TRMU: variants seen among roughly 807,000 people sequenced by gnomAD.
TRMU encodes the protein mitochondrial tRNA-specific 2-thiouridylase 1.
Under a neutral mutation model 46.9 loss-of-function variants are expected in TRMU, and 49 were observed. The ratio of observed to expected loss-of-function variants is 1.05; its 90% CI spans 0.83 to 1.33. The LOEUF is 1.33. Among genes scored for constraint, TRMU ranks in the 40% most tolerant of loss-of-function variants. The pLI is 0.00. For synonymous variants in TRMU, 241 were observed against 200.9 expected, an observed-to-expected ratio of 1.20 and a Z score of -1.69; for missense variants, 572 against 532.4, an observed-to-expected ratio of 1.07 and a Z score of -0.73.
chr22:46,352,459 G>A (rs1427509171), intron 7 of TRMU, 129 bp downstream of exon 7: 11 of 1,118,118 alleles, frequency 9.8e-6, no homozygotes, highest in Non-Finnish European at 1.2e-5. Flanking sequence ...GCTCTGTGGG[G>A]CGGCCGGGGG....
Position 46,352,320 on chromosome 22 carries a change from AAC to A in TRMU, c.766_767del (p.His256Ter), listed in dbSNP as rs779454362. The part of the protein sequence containing the change: ...ISIEDNKVLG[T>X]HKGWFLYTLG... ...CCATAGAAGACAATAAGGTTCTGGG[AAC>A]ACATAAAGGTGAGGTGCAGACTCTG... On this transcript the variant is annotated frameshift_variant, in exon 7 of 11. Coordinates refer to ENST00000645190, the MANE Select transcript of TRMU (RefSeq NM_018006.5). LOFTEE classifies it high-confidence loss of function. 1 of 1,614,002 alleles carries A rather than the reference AAC, an allele frequency of 6.2e-7. No homozygotes were observed. Among genetic ancestry groups the A allele is most frequent in the East Asian group, 2.2e-5 (1 of 44,880 alleles).
In TRMU at chr22:46,345,087, T is replaced by C. The variant is rs140538306; in HGVS notation, c.356-1335T>C. On this transcript the variant is annotated intron_variant, in intron 3 of 10. Coordinates refer to ENST00000645190, the MANE Select transcript of TRMU (RefSeq NM_018006.5). ...TAAATATCTGTAATTTTTTCTTTTT[T>C]TGAGATGGAGTCTCACTCTGTCTCC... 9.2e-5 allele frequency among the ~76,000 whole-genome samples: 14 copies of C among 152,314 alleles called. No individual in the cohort carries two copies. In the East Asian group the frequency reaches 2.3e-3, roughly 25 times the overall value.
chr22:46,340,144 G>A (rs980254776), intron 2 of TRMU, among the ~76,000 whole-genome samples: 2 of 152,172 alleles, frequency 1.3e-5, no homozygotes, highest in African/African-American at 4.8e-5. Context: ...GACCTGGACC[G>A]AGGTCTGGGG....
intron 8 of TRMU, 48 bp from the exon 9 acceptor site, chr22:46,355,395 TG>T (rs2078568039): frequency 3.1e-6 from 5 of 1,604,112 alleles, no homozygotes; most frequent in East Asian, 2.3e-5. Flanking sequence ...AGGCCGGCCT[TG>T]GGGCCAGGTG....
In TRMU at chr22:46,338,200, G is replaced by T; in HGVS notation, c.248+256G>T. 2.1e-6 allele frequency: 1 copy of T among 474,408 alleles called. No homozygotes were observed. The highest frequency in any genetic ancestry group is 3.9e-6 in the Non-Finnish European group (1 of 257,354). The allele number at this position is 474,408 out of a possible 1,614,324, so 29.4% of individuals were successfully genotyped here. The stretch of plus-strand genomic sequence containing the variant: ...CTGAAGTCTCTTTAATGCTTTCTTG[G>T]ACCTTGAGCTGTTTCTGTTGCCCAG... On this transcript the variant is annotated intron_variant, in intron 2 of 10. Coordinates refer to ENST00000645190, the MANE Select transcript of TRMU (RefSeq NM_018006.5). This position sits in a 1 kb window ranked among gnomAD's most constrained non-coding sequence, Gnocchi z 4.5.
In TRMU at chr22:46,336,282, A is replaced by G. The variant is rs1248999032; in HGVS notation, c.82+436A>G. ...CCGGTGGGAGGTCCTTGTCCTCCCC[A>G]CTCAGCAGACTGGACAACTGCCGCG... On this transcript the variant is annotated intron_variant, in intron 1 of 10. Coordinates refer to ENST00000645190, the MANE Select transcript of TRMU (RefSeq NM_018006.5). This position sits in a 1 kb window ranked among gnomAD's most constrained non-coding sequence, Gnocchi z 4.1. 3 of 333,296 alleles carry G rather than the reference A, an allele frequency of 9.0e-6. No individual in the cohort carries two copies. Among genetic ancestry groups the G allele is most frequent in the Non-Finnish European group, 1.3e-5 (3 of 227,262 alleles). The allele number at this position is 333,296 out of a possible 1,614,324, so 20.6% of individuals were successfully genotyped here.
chr22:46,344,800 T>C (rs2078209754), intron 3 of TRMU, among the ~76,000 whole-genome samples: 1 of 152,246 alleles, frequency 6.6e-6, no homozygotes. Context: ...TTTTCTAGTA[T>C]AAGTGCTGTT....
rs2077994061 is a variant in TRMU at position 46,336,924 on chromosome 22, G to A, written c.83-855G>A. Among the ~76,000 whole-genome samples the A allele has an allele frequency of 6.6e-6, 1 of 152,102 alleles. No homozygotes were observed. The highest frequency in any genetic ancestry group is 2.1e-4 in the South Asian group (1 of 4,824). ...CAGCAGTGCAAGCAGAATCACAGAG[G>A]CCTGCAAGTGTGGGCTGGTTCTGGC... On this transcript the variant is annotated intron_variant, in intron 1 of 10. Transcript: ENST00000645190. The surrounding 1 kb of genome is among the most constrained non-coding windows in gnomAD (Gnocchi z 4.1).
intron 10 of TRMU, chr22:46,356,313 A>G (rs1326122726): frequency 1.8e-6 from 1 of 556,132 alleles, no homozygotes. Context: ...TGAGAGGCTC[A>G]GCTGCTGCCC....
At chr22:46,343,440 C>A in intron 3 of TRMU, 72 bp downstream of exon 3, 2 of 1,162,250 alleles carry the variant, frequency 1.7e-6, no homozygotes, top group East Asian at 2.5e-5. Flanking sequence ...GGCTGGATTG[C>A]AGTGGTGCGA....
intron 1 of TRMU, 64 bp downstream of exon 1, chr22:46,335,910 C>A: frequency 6.6e-7 from 1 of 1,524,454 alleles, no homozygotes; most frequent in Non-Finnish European, 8.8e-7. Context: ...TGTCCCCGTC[C>A]GTCGTGGCGT....
intron 5 of TRMU, 95 bp from the exon 6 acceptor site, chr22:46,352,026 G>A (rs1429022723): frequency 1.6e-5 from 23 of 1,408,366 alleles, no homozygotes; most frequent in Non-Finnish European, 2.2e-5. Flanking sequence ...TGTGGGGTGA[G>A]GCCGGGAGGC....
intron 5 of TRMU, 81 bp from the exon 6 acceptor site, chr22:46,352,040 A>G (rs2078443503): frequency 1.1e-5 from 16 of 1,513,978 alleles, no homozygotes; most frequent in Middle Eastern, 2.3e-4. Flanking sequence ...GGGAGGCCCC[A>G]GGGCCCGCTC....
intron 8 of TRMU, 105 bp from the exon 9 acceptor site, chr22:46,355,337 CTG>C (rs1177147478): frequency 1.3e-3 from 1,872 of 1,426,992 alleles, no homozygotes; most frequent in Non-Finnish European, 1.5e-3. Flanking sequence ...GCACCGTTAC[CTG>C]TGTGTGTGTG....
At chr22:46,335,873 C>T (rs769563428) in intron 1 of TRMU, 27 bp downstream of exon 1, 6 of 1,532,064 alleles carry the variant, frequency 3.9e-6, no homozygotes, top group South Asian at 2.4e-5. Context: ...TCCCGCCCCC[C>T]GCCGAGCGAA....
At position 46,339,442 on chromosome 22, in the gene TRMU, G is replaced by C. The variant is rs1356604679; in HGVS notation, c.248+1498G>C. On this transcript the variant is annotated intron_variant, in intron 2 of 10. Transcript: ENST00000645190. This position sits in a 1 kb window ranked among gnomAD's most constrained non-coding sequence, Gnocchi z 4.8. ...TGGGATTACAGGCGTGAGCCACCAC[G>C]CCAGCCTGCTATTTTTATTTTCATT... Among the ~76,000 whole-genome samples the C allele has an allele frequency of 1.3e-5, 2 of 152,190 alleles. No individual in the cohort carries two copies. Among genetic ancestry groups the C allele is most frequent in the African/African-American group, 4.8e-5 (2 of 41,458 alleles).
At chr22:46,337,647 G>C (rs764225320) in intron 1 of TRMU, 132 bp from the exon 2 acceptor site, 3 of 1,181,082 alleles carry the variant, frequency 2.5e-6, no homozygotes, top group Non-Finnish European at 3.7e-6. Flanking sequence ...GGCAAAGCAG[G>C]GACTGCCCGG....
chr22:46,355,055 G>A, intron 8 of TRMU: 1 of 307,618 alleles, frequency 3.3e-6, no homozygotes, highest in Non-Finnish European at 6.2e-6. Flanking sequence ...AGAGCCCGTG[G>A]TGTGGCTGGC....
intron 9 of TRMU, 31 bp from the exon 10 acceptor site, chr22:46,355,946 GGAAAGGCCTGTGC>G: frequency 6.2e-7 from 1 of 1,608,696 alleles, no homozygotes; most frequent in Non-Finnish European, 8.5e-7. Flanking sequence ...AGGTCGACCA[GGAAAGGCCTGTGC>G]CCCCTCCAAG....
Sources: gnomAD v4.1 joint callset for allele counts (sites outside exome capture counted in the v4.1 genomes callset) on GRCh38, gnomAD v4.1.1 for gene constraint, Gnocchi (gnomAD v3.1) non-coding constraint, MANE v1.5 for transcripts, NCBI Gene and HGNC (gene_info 2026-07-23, HGNC 2026-07-21) for gene names.